CYFIP1: variants seen among roughly 807,000 people sequenced by gnomAD.
The protein encoded by CYFIP1 is cytoplasmic FMR1-interacting protein 1.
Under a neutral mutation model 163.5 loss-of-function variants are expected in CYFIP1, and 58 were observed. That is an observed-to-expected ratio of 0.35 (90% CI 0.29 to 0.44). The LOEUF (loss-of-function observed/expected upper bound fraction) is 0.44, where lower values mean the gene tolerates loss of function less well. Among genes scored for constraint, CYFIP1 ranks in the 20% least tolerant of loss-of-function variants. The probability of loss-of-function intolerance (pLI) is 1.00; values close to 1 mark genes in which losing one functional copy is unlikely to be tolerated. For synonymous variants in CYFIP1, 663 were observed against 660.7 expected, an observed-to-expected ratio of 1.00 and a Z score of -0.05; for missense variants, 1,338 against 1,653.8, an observed-to-expected ratio of 0.81 and a Z score of 3.31.
chr15:22,930,345 C>G (rs140933432), intron 11 of CYFIP1, among the ~76,000 whole-genome samples: 1 of 146,424 alleles, frequency 6.8e-6, no homozygotes, highest in Non-Finnish European at 1.5e-5. Flanking sequence ...GAGATTGCAC[C>G]ACTGCACTCC....
chr15:22,909,242 T>C lies in CYFIP1; in HGVS notation c.2340A>G (p.Leu780=), dbSNP rs1285200358. ...QRVSAAMYKS[L]ELAIGRFESE... is the part of the protein sequence containing the mutation. ...TTTCAAATCGTCCAATCGCCAGTTC[T>C]AGGGACTTATACATGGCTGCTGAGA... is the stretch of plus-strand genomic sequence containing the variant. The change falls in exon 21 of 31, where the codon CTA becomes CTG. Residue 780 remains leucine, a synonymous_variant. Coordinates refer to ENST00000617928, the MANE Select transcript of CYFIP1 (RefSeq NM_014608.6). 1 of 1,614,214 alleles carries C rather than the reference T, an allele frequency of 6.2e-7. No individual in the cohort carries two copies.
At chr15:22,908,666 C>G (rs973404606) in intron 21 of CYFIP1, among the ~76,000 whole-genome samples, 8 of 151,216 alleles carry the variant, frequency 5.3e-5, no homozygotes, top group African/African-American at 1.9e-4. Flanking sequence ...GTAGCTCGGA[C>G]TACAGGTGCC....
At chr15:22,964,469 C>T (rs2062834350) in intron 1 of CYFIP1, among the ~76,000 whole-genome samples, 1 of 151,842 alleles carries the variant, frequency 6.6e-6, no homozygotes, top group South Asian at 2.1e-4. Flanking sequence ...CCAGCCCCAG[C>T]AAGAAGGCAG....
At chr15:22,884,962 G>C (rs2059888615) in intron 23 of CYFIP1, among the ~76,000 whole-genome samples, 1 of 151,170 alleles carries the variant, frequency 6.6e-6, no homozygotes, top group African/African-American at 2.4e-5. Flanking sequence ...GCACGGGGAT[G>C]GGGGGTGGGG....
intron 1 of CYFIP1, among the ~76,000 whole-genome samples, chr15:22,978,352 C>CAAAAAAAAAAAAA (rs397976366): frequency 7.6e-5 from 4 of 52,774 alleles, no homozygotes; most frequent in African/African-American, 1.3e-4. Context: ...GACTCTGTCA[C>CAAAAAAAAAAAAA]AAAAAAAAAA....
rs56857768 is a variant in CYFIP1, at chr15:22,965,036, T to TTGTGTGTGTG, written c.-7+15241_-7+15250dup. ...TTTTTAAAGGCTGAATAGTATTCCA[T>TTGTGTGTGTG]TGTGTGTGTGTGTGTGTGTGTGTGT... On this transcript the variant is annotated intron_variant, in intron 1 of 30. Coordinates refer to ENST00000617928, the MANE Select transcript of CYFIP1 (RefSeq NM_014608.6). 2.9e-4 allele frequency among the ~76,000 whole-genome samples: 44 copies of TTGTGTGTGTG among 149,514 alleles called. 1 individual carries two copies. The highest frequency in any genetic ancestry group is 4.8e-4 in the Non-Finnish European group (32 of 67,028).
chr15:22,944,752 G>A, intron 4 of CYFIP1, 93 bp from the exon 5 acceptor site: 1 of 1,513,900 alleles, frequency 6.6e-7, no homozygotes, highest in Non-Finnish European at 9.2e-7. Flanking sequence ...GCCCTGCTGT[G>A]GGGTGAGAAC....
intron 1 of CYFIP1, among the ~76,000 whole-genome samples, chr15:22,974,176 T>C (rs1249986972): frequency 6.6e-6 from 1 of 152,104 alleles, no homozygotes. Flanking sequence ...CACTGTTGGG[T>C]ATATATCTAA....
chr15:22,937,330 T>A (rs963545543), intron 8 of CYFIP1, 122 bp from the exon 9 acceptor site: 7 of 649,458 alleles, frequency 1.1e-5, no homozygotes, highest in African/African-American at 1.8e-5. Flanking sequence ...ATCACAAAGA[T>A]CTATCTTTAG....
At chr15:22,934,773 C>T (rs1284366507) in intron 9 of CYFIP1, among the ~76,000 whole-genome samples, 3 of 152,022 alleles carry the variant, frequency 2.0e-5, no homozygotes, top group Non-Finnish European at 4.4e-5. Flanking sequence ...GCTGGGATTA[C>T]AGGCATAAGC....
chr15:22,938,943 A>G (rs2140067207), intron 8 of CYFIP1, among the ~76,000 whole-genome samples: 1 of 150,618 alleles, frequency 6.6e-6, no homozygotes, highest in Non-Finnish European at 1.5e-5. Context: ...AAAAAAAAAA[A>G]AAAAAGCTGA....
chr15:22,894,185 C>T (rs962784759), intron 22 of CYFIP1, among the ~76,000 whole-genome samples: 5 of 149,986 alleles, frequency 3.3e-5, no homozygotes, highest in African/African-American at 4.9e-5. Flanking sequence ...CGGCGGGGTG[C>T]GGGAGAAGAC....
rs776001500 is a variant in CYFIP1, at chr15:22,914,923, A to C, written c.1829-41T>G. On this transcript the variant is annotated intron_variant, in intron 16 of 30. Coordinates refer to ENST00000617928, the MANE Select transcript of CYFIP1 (RefSeq NM_014608.6). The stretch of plus-strand genomic sequence containing the variant: ...CAACTCCATGTTATCTCCCGCAAGC[A>C]AAAAAAAACCTTTAGCAGAGATGAC... 4.7e-6 allele frequency: 7 copies of C among 1,504,334 alleles called. No individual in the cohort carries two copies. In the South Asian group the frequency reaches 6.5e-5, roughly 14 times the overall value. The allele number at this position is 1,504,334 out of a possible 1,614,324, so 93.2% of individuals were successfully genotyped here.
intron 1 of CYFIP1, chr15:22,947,855 C>G (rs1157031310): frequency 1.3e-6 from 1 of 795,884 alleles, no homozygotes; most frequent in Non-Finnish European, 1.5e-6. Flanking sequence ...CAGAAAGTGC[C>G]ACACCGCAGC....
intron 22 of CYFIP1, among the ~76,000 whole-genome samples, chr15:22,903,182 C>A (rs1449177952): frequency 6.6e-6 from 1 of 152,118 alleles, no homozygotes; most frequent in African/African-American, 2.4e-5. Flanking sequence ...CTGGCACGCG[C>A]TGACACTGTA....
chr15:22,922,723 G>T (rs998315244), intron 13 of CYFIP1, among the ~76,000 whole-genome samples: 2 of 152,196 alleles, frequency 1.3e-5, no homozygotes, highest in African/African-American at 4.8e-5. Context: ...TGGGCGTGGC[G>T]GCTCATGCCT....
At chr15:22,947,441 T>G in intron 1 of CYFIP1, 150 bp from the exon 2 acceptor site, 1 of 1,112,516 alleles carries the variant, frequency 9.0e-7, no homozygotes, top group Non-Finnish European at 1.2e-6. Flanking sequence ...TCCTTGGGAG[T>G]TGCGTGTCTC....
intron 1 of CYFIP1, among the ~76,000 whole-genome samples, chr15:22,971,218 G>C (rs2063083696): frequency 1.3e-5 from 2 of 152,174 alleles, no homozygotes; most frequent in Admixed American, 1.3e-4. Context: ...TGATTTCTTG[G>C]ATATGACACC....
intron 10 of CYFIP1, among the ~76,000 whole-genome samples, chr15:22,933,109 C>T (rs537213562): frequency 2.3e-4 from 35 of 152,182 alleles, no homozygotes; most frequent in African/African-American, 7.7e-4. Context: ...GCTGGGATTA[C>T]AGGCATGAGC....
Sources: allele counts gnomAD v4.1 joint callset (sites outside exome capture counted in the v4.1 genomes callset), GRCh38; gene constraint gnomAD v4.1.1; transcripts MANE v1.5; gene names NCBI Gene and HGNC (gene_info 2026-07-23, HGNC 2026-07-21).